The following TENM3 variants were observed in gnomAD, a reference collection of about 807,000 sequenced individuals.
TENM3 encodes the protein teneurin transmembrane protein 3.
Under a neutral mutation model 255.1 loss-of-function variants are expected in TENM3, and 63 were observed. The observed-to-expected ratio is 0.25, with a 90% CI of 0.20 to 0.30. TENM3 has a LOEUF of 0.30. TENM3 is among the 10% of genes least tolerant of loss of function. The pLI is 1.00. For missense variants in TENM3, 2,929 were observed against 3,461.1 expected (o/e 0.85, Z 3.86); for synonymous variants, 1,306 against 1,322.3 (o/e 0.99, Z 0.27).
Position 182,799,995 on chromosome 4 carries a change from T to G in TENM3, c.7744T>G (p.Ser2582Ala). Reference sequence around the variant, plus strand: ...CGGCATCAACGTGACGGTGTCGCAGTCCACCACGGTGGTGAACGGCAGGAC... The same window carrying G: ...CGGCATCAACGTGACGGTGTCGCAGGCCACCACGGTGGTGAACGGCAGGAC... ...ENGINVTVSQ[S>A]TTVVNGRTRR... Residue 2582 changes from serine to alanine, a missense_variant, in exon 28 of 28, where the codon TCC (serine) becomes GCC (alanine). Coordinates refer to ENST00000511685, the MANE Select transcript of TENM3 (RefSeq NM_001080477.4). This position sits in a 1 kb window ranked among gnomAD's most constrained non-coding sequence, Gnocchi z 4.2. 1 of 1,592,888 alleles carries G rather than the reference T, an allele frequency of 6.3e-7. No homozygotes were observed. The highest frequency in any genetic ancestry group is 8.5e-7 in the Non-Finnish European group (1 of 1,170,544).
At chr4:181,511,594 T>C in the TENM3 span, among the ~76,000 whole-genome samples, 1 of 152,220 alleles carries the variant, frequency 6.6e-6, no homozygotes, top group East Asian at 1.9e-4. Flanking sequence ...CTCCGGGTGA[T>C]TTGACTCTGA....
intron 3 of TENM3, among the ~76,000 whole-genome samples, chr4:182,419,907 T>C (rs1472682195): frequency 6.6e-6 from 1 of 151,552 alleles, no homozygotes; most frequent in Non-Finnish European, 1.5e-5. Context: ...TTAGGAGATA[T>C]ACGTAATGTA....
chr4:182,253,237 C>T (rs1039662255), intron 1 of TENM3, among the ~76,000 whole-genome samples: 2 of 152,030 alleles, frequency 1.3e-5, no homozygotes, highest in Admixed American at 6.6e-5. Context: ...TTTGGGAGGC[C>T]GAGGTGGGTG....
At chr4:181,780,388 T>C in the TENM3 span, among the ~76,000 whole-genome samples, 1 of 152,204 alleles carries the variant, frequency 6.6e-6, no homozygotes, top group Non-Finnish European at 1.5e-5. Context: ...TGATGGCCAG[T>C]GATGATGAGC....
chr4:182,169,082 C>CAT lies in TENM3; in HGVS notation c.-76+24329_-76+24330insTA, dbSNP rs35135947. Among the ~76,000 whole-genome samples, 372 of 150,822 alleles carry CAT rather than the reference C, an allele frequency of 2.5e-3. 1 individual carries two copies. Among genetic ancestry groups the CAT allele is most frequent in the Non-Finnish European group, 3.8e-3 (254 of 67,632 alleles). ...GTCATATAATCATGCCATACACACA[C>CAT]ACACACACACACACACACACACGTG... On this transcript the variant is annotated intron_variant, in intron 1 of 2. Coordinates refer to the TENM3 transcript ENST00000512480.
chr4:182,455,562 TTTTTTTTTTTTTTTTTTG>T (rs1170223485), intron 3 of TENM3, among the ~76,000 whole-genome samples: 1 of 136,932 alleles, frequency 7.3e-6, no homozygotes, highest in Non-Finnish European at 1.6e-5. Flanking sequence ...TCTTTTTTTT[TTTTTTTTTTTTTTTTTTG>T]AGACCGAGTC....
intron 24 of TENM3, among the ~76,000 whole-genome samples, chr4:182,779,270 A>G (rs924131235): frequency 6.1e-5 from 9 of 148,744 alleles, no homozygotes; most frequent in Non-Finnish European, 1.3e-4. Flanking sequence ...ATGTGATCTC[A>G]TTGTTCAATT....
chr4:182,215,111 A>G (rs1213944356), intron 1 of TENM3, among the ~76,000 whole-genome samples: 1 of 152,198 alleles, frequency 6.6e-6, no homozygotes, highest in Non-Finnish European at 1.5e-5. Flanking sequence ...GTTCTGAGCT[A>G]GAGTGCAAAT....
chr4:181,896,120 T>C, the TENM3 span, among the ~76,000 whole-genome samples: 1 of 152,150 alleles, frequency 6.6e-6, no homozygotes, highest in African/African-American at 2.4e-5. Flanking sequence ...TACTGTCAAG[T>C]TCTGAATCAA....
the TENM3 span, among the ~76,000 whole-genome samples, chr4:181,714,740 A>T: frequency 6.6e-6 from 1 of 152,210 alleles, no homozygotes; most frequent in East Asian, 1.9e-4. Context: ...ATATTTATAA[A>T]TATATGCAAC....
the TENM3 span, among the ~76,000 whole-genome samples, chr4:181,629,938 T>A: frequency 6.6e-6 from 1 of 152,220 alleles, no homozygotes; most frequent in Non-Finnish European, 1.5e-5. Flanking sequence ...GTACCTCTGA[T>A]AGAATTCGGC....
At chr4:182,514,616 T>G (rs1347680700) in intron 3 of TENM3, among the ~76,000 whole-genome samples, 1 of 152,212 alleles carries the variant, frequency 6.6e-6, no homozygotes, top group Non-Finnish European at 1.5e-5. Context: ...CTTAGTGTGA[T>G]GTAGTCTGAT....
At chr4:182,292,092 T>C (rs550609007) in intron 1 of TENM3, among the ~76,000 whole-genome samples, 1 of 152,316 alleles carries the variant, frequency 6.6e-6, no homozygotes, top group South Asian at 2.1e-4. Context: ...GTGCCTTCTG[T>C]TGTTTATGGA....
At chr4:181,872,249 A>G in the TENM3 span, among the ~76,000 whole-genome samples, 1 of 151,450 alleles carries the variant, frequency 6.6e-6, no homozygotes, top group Non-Finnish European at 1.5e-5. Flanking sequence ...GTATACATAT[A>G]TAATATTTAT....
the TENM3 span, among the ~76,000 whole-genome samples, chr4:181,465,251 TGTA>T: frequency 1.3e-5 from 2 of 150,150 alleles, no homozygotes; most frequent in Non-Finnish European, 3.0e-5. Context: ...TGGGTAAACA[TGTA>T]GATGTGTTCA....
chr4:182,055,252 C>T, the TENM3 span, among the ~76,000 whole-genome samples: 1 of 152,000 alleles, frequency 6.6e-6, no homozygotes, highest in Admixed American at 6.6e-5. Context: ...GAGGCTAAGG[C>T]AGGAGGATTG....
the TENM3 span, among the ~76,000 whole-genome samples, chr4:181,734,202 A>G: frequency 6.6e-6 from 1 of 152,180 alleles, no homozygotes; most frequent in African/African-American, 2.4e-5. Context: ...AAAGAGGTAA[A>G]TGTGAAGACT....
At chr4:181,990,759 T>C in the TENM3 span, among the ~76,000 whole-genome samples, 2 of 151,972 alleles carry the variant, frequency 1.3e-5, no homozygotes, top group South Asian at 2.1e-4. Context: ...AGCCTGAAAA[T>C]TACTAACTAA....
the TENM3 span, among the ~76,000 whole-genome samples, chr4:182,077,508 G>T: frequency 1.3e-5 from 2 of 152,122 alleles, no homozygotes; most frequent in Admixed American, 1.3e-4. Context: ...CTTTCTGAAA[G>T]AAAGTACATA....
Sources: allele counts gnomAD v4.1 joint callset (sites outside exome capture counted in the v4.1 genomes callset), GRCh38; gene constraint gnomAD v4.1.1; non-coding constraint Gnocchi (gnomAD v3.1); transcripts MANE v1.5; gene names NCBI Gene and HGNC (gene_info 2026-07-23, HGNC 2026-07-21).